The following CIDEA variants were observed in gnomAD, a reference collection of about 807,000 sequenced individuals.
CIDEA encodes the protein lipid transferase CIDEA.
In CIDEA, 10 loss-of-function variants were observed where a neutral mutation model predicts 18.2. The observed-to-expected ratio is 0.55, with a 90% confidence interval of 0.34 to 0.93. The LOEUF (loss-of-function observed/expected upper bound fraction) is 0.93. CIDEA is among the 40% of genes least tolerant of loss of function. The pLI is 0.02. For missense variants in CIDEA, 309 were observed against 293.1 expected, an observed-to-expected ratio of 1.05 and a Z score of -0.40; for synonymous variants, 128 against 124.8, an observed-to-expected ratio of 1.03 and a Z score of -0.17.
At chr18:12,262,791 T>C in intron 1 of CIDEA, 34 bp from the exon 2 acceptor site, 3 of 1,591,986 alleles carry the variant, frequency 1.9e-6, no homozygotes, top group Non-Finnish European at 1.7e-6. Flanking sequence ...ACAGACTCTT[T>C]TTAAAAAGTT....
In CIDEA at chr18:12,262,732, T is replaced by A; in HGVS notation, c.39-93T>A. On this transcript the variant is annotated intron_variant, in intron 1 of 4. Coordinates refer to ENST00000320477, the MANE Select transcript of CIDEA (RefSeq NM_001279.4). ...AACAACTGAATTTCTTTCTTTTAGA[T>A]GCAAATATTAAAAATGCATTATTTT... 1.7e-6 allele frequency: 2 copies of A among 1,200,620 alleles called. 1 individual carries two copies. Among genetic ancestry groups the A allele is most frequent in the Non-Finnish European group, 2.4e-6 (2 of 830,666 alleles). 74.4% of individuals were successfully genotyped at this position (1,200,620 alleles called of 1,614,324 possible). A position where few individuals can be genotyped will look rare whatever the true frequency, so the allele number is the denominator to read the frequency against.
intron 3 of CIDEA, among the ~76,000 whole-genome samples, chr18:12,267,531 C>T (rs190397933): frequency 8.4e-4 from 128 of 152,280 alleles, no homozygotes; most frequent in African/African-American, 2.2e-3. Flanking sequence ...TAAAAATTAA[C>T]GAGGACCCCA....
chr18:12,265,015 A>T (rs1484902098), intron 3 of CIDEA, among the ~76,000 whole-genome samples: 1 of 152,230 alleles, frequency 6.6e-6, no homozygotes, highest in Non-Finnish European at 1.5e-5. Context: ...TTGGCCAGTG[A>T]GTAGCTACAG....
chr18:12,271,611 G>A (rs1348080260), intron 3 of CIDEA, among the ~76,000 whole-genome samples: 1 of 152,228 alleles, frequency 6.6e-6, no homozygotes, highest in Non-Finnish European at 1.5e-5. Context: ...ACAGGGAGGA[G>A]TTGGTGGTGG....
intron 1 of CIDEA, 195 bp downstream of exon 1, chr18:12,254,616 G>T: frequency 6.6e-7 from 1 of 1,517,036 alleles, no homozygotes. Flanking sequence ...AGCCGCGCCC[G>T]CGGGCAGAGC....
At position 12,277,433 on chromosome 18, in the gene CIDEA, G is replaced by A; in HGVS notation, c.*163G>A. 1 of 816,478 alleles carries A rather than the reference G, an allele frequency of 1.2e-6. No individual in the cohort carries two copies. The highest frequency in any genetic ancestry group is 1.9e-6 in the Non-Finnish European group (1 of 530,680). 50.6% of individuals were successfully genotyped at this position (816,478 alleles called of 1,614,324 possible). A position where few individuals can be genotyped will look rare whatever the true frequency, so the allele number is the denominator to read the frequency against. On this transcript the variant is annotated 3_prime_UTR_variant, in exon 5 of 5. Transcript: ENST00000320477. ...AAAAGGAAAGGGCTTGGTGGTACATGAAGTGGGGGCAGTGGGCAGGGTGCC... is the reference window on the plus strand; with the variant it reads ...AAAAGGAAAGGGCTTGGTGGTACATAAAGTGGGGGCAGTGGGCAGGGTGCC...
intron 1 of CIDEA, chr18:12,254,865 TG>T: frequency 1.5e-6 from 2 of 1,328,426 alleles, no homozygotes; most frequent in South Asian, 1.2e-5. Context: ...CAACGGGAGC[TG>T]GGCGCGGGAG....
intron 4 of CIDEA, among the ~76,000 whole-genome samples, chr18:12,275,042 G>A (rs1460915086): frequency 6.6e-6 from 1 of 152,224 alleles, no homozygotes; most frequent in African/African-American, 2.4e-5. Context: ...GAGAAGGTTG[G>A]TCAGGCATGG....
chr18:12,267,976 T>C (rs1236325739), intron 3 of CIDEA, among the ~76,000 whole-genome samples: 1 of 152,168 alleles, frequency 6.6e-6, no homozygotes. Flanking sequence ...CAAAGACTTA[T>C]CCAGCCTCCA....
chr18:12,268,720 G>A (rs1402382091), intron 3 of CIDEA, among the ~76,000 whole-genome samples: 6 of 151,994 alleles, frequency 3.9e-5, no homozygotes, highest in Admixed American at 3.9e-4. Context: ...AATTCAAATT[G>A]TTTGGAAGTT....
chr18:12,262,081 C>T (rs1347716048), intron 1 of CIDEA, among the ~76,000 whole-genome samples: 7 of 151,940 alleles, frequency 4.6e-5, no homozygotes, highest in African/African-American at 1.4e-4. Flanking sequence ...GCAGGAGGAT[C>T]GCTTGAGCCC....
Position 12,277,336 on chromosome 18 carries a change from G to A in CIDEA, c.*66G>A, listed in dbSNP as rs777515235. 3 of 1,570,978 alleles carry A rather than the reference G, an allele frequency of 1.9e-6. No homozygotes were observed. Among genetic ancestry groups the A allele is most frequent in the Admixed American group, 3.4e-5 (2 of 58,772 alleles). On this transcript the variant is annotated 3_prime_UTR_variant, in exon 5 of 5. Transcript: ENST00000320477. ...TTCGTTTGGCTCAATGACGAATGTT[G>A]AAGATGCTTTTATGTTCTGAGCCAC...
Position 12,254,431 on chromosome 18 carries a change from C to T in CIDEA, c.38+10C>T. ...CAGGAGCCCTCATCAGGCGAGTGCCCCGCGTCCCCCTGATTGCCGTGCGCT... is the reference window on the plus strand; with the variant it reads ...CAGGAGCCCTCATCAGGCGAGTGCCTCGCGTCCCCCTGATTGCCGTGCGCT... On this transcript the variant is annotated intron_variant, in intron 1 of 4. Coordinates refer to ENST00000320477, the MANE Select transcript of CIDEA (RefSeq NM_001279.4). 1 of 1,593,582 alleles carries T rather than the reference C, an allele frequency of 6.3e-7. No individual in the cohort carries two copies. Among genetic ancestry groups the T allele is most frequent in the African/African-American group, 1.3e-5 (1 of 74,906 alleles).
intron 2 of CIDEA, chr18:12,264,009 G>T: frequency 8.5e-6 from 2 of 235,624 alleles, no homozygotes; most frequent in Non-Finnish European, 1.6e-5. Flanking sequence ...GGCTGTGGCA[G>T]GAAGATTGCT....
At chr18:12,267,416 C>T (rs1312998915) in intron 3 of CIDEA, among the ~76,000 whole-genome samples, 1 of 152,244 alleles carries the variant, frequency 6.6e-6, no homozygotes, top group African/African-American at 2.4e-5. Flanking sequence ...AGTTCAGCTA[C>T]AGGCATCCAT....
intron 3 of CIDEA, among the ~76,000 whole-genome samples, chr18:12,269,955 C>T (rs145015122): frequency 1.3e-5 from 2 of 152,286 alleles, no homozygotes; most frequent in African/African-American, 4.8e-5. Flanking sequence ...GCCTCAGCCT[C>T]CCAAAATGTT....
intron 1 of CIDEA, chr18:12,254,630 A>G: frequency 6.5e-7 from 1 of 1,527,922 alleles, no homozygotes; most frequent in Non-Finnish European, 8.8e-7. Context: ...GCAGAGCCCA[A>G]TCCCGTCCCG....
Position 12,274,231 on chromosome 18 carries a change from G to A in CIDEA, c.469G>A (p.Val157Met), listed in dbSNP as rs751972278. 1.7e-5 allele frequency: 28 copies of A among 1,614,044 alleles called. No homozygotes were observed. Among genetic ancestry groups the A allele is most frequent in the Admixed American group, 1.7e-4 (10 of 60,008 alleles). The change falls in exon 4 of 5, where the codon GTG becomes ATG. Residue 157 changes from valine to methionine, a missense_variant. Physicochemically the swap from Val to Met is conservative, Grantham distance 21. Transcript: ENST00000320477. ...GGCCACCATGTATGAGATGTACTCC[G>A]TGTCCTACGACATCCGGTGCACGGG... The part of the protein sequence containing the change: ...VKATMYEMYS[V>M]SYDIRCTGLK...
intron 1 of CIDEA, among the ~76,000 whole-genome samples, chr18:12,256,672 C>A (rs1912045016): frequency 6.6e-6 from 1 of 152,186 alleles, no homozygotes; most frequent in Non-Finnish European, 1.5e-5. Context: ...GCACATTTTT[C>A]CTTTCCTTGA....
Sources: allele counts gnomAD v4.1 joint callset (sites outside exome capture counted in the v4.1 genomes callset), GRCh38; gene constraint gnomAD v4.1.1; transcripts MANE v1.5; gene names NCBI Gene and HGNC (gene_info 2026-07-23, HGNC 2026-07-21).